Variants in GHITM observed in about 807,000 individuals in gnomAD.
GHITM encodes the protein growth hormone inducible transmembrane protein.
A neutral mutation model predicts 38.7 loss-of-function variants in GHITM; 24 were observed. The ratio of observed to expected loss-of-function variants is 0.62; its 90% CI spans 0.45 to 0.87. GHITM has a LOEUF of 0.87. Ranked by LOEUF, GHITM falls within the 40% of genes least tolerant of loss-of-function variation. The pLI, the probability that GHITM is intolerant of heterozygous loss-of-function variation, is 0.00. For missense variants in GHITM, 420 were observed against 429.8 expected, an observed-to-expected ratio of 0.98 and a Z score of 0.20; for synonymous variants, 154 against 147.8, an observed-to-expected ratio of 1.04 and a Z score of -0.30.
intron 5 of GHITM, among the ~76,000 whole-genome samples, chr10:84,147,242 C>T (rs1267641245): frequency 6.6e-6 from 1 of 151,998 alleles, no homozygotes; most frequent in Non-Finnish European, 1.5e-5. Flanking sequence ...GAGTGGAGCT[C>T]GATATGCTTT....
rs751077696 is a variant in GHITM at position 84,142,651 on chromosome 10, TC to T, written c.130-3del. 4.9e-5 allele frequency: 78 copies of T among 1,602,036 alleles called. No homozygotes were observed. The highest frequency in any genetic ancestry group is 6.7e-5 in the Admixed American group (4 of 59,600). On this transcript the variant is annotated splice_region_variant and splice_polypyrimidine_tract_variant and intron_variant, in intron 2 of 8. Coordinates refer to ENST00000372134, the MANE Select transcript of GHITM (RefSeq NM_014394.3). Reference sequence around the variant, plus strand: ...GTACGTGTCTTTGTTTGCATGTGTGTCAGGAATATGCCACCAAAACAAGAAT... The same window carrying T: ...GTACGTGTCTTTGTTTGCATGTGTGTAGGAATATGCCACCAAAACAAGAAT...
intron 5 of GHITM, 78 bp from the exon 6 acceptor site, chr10:84,148,652 A>T: frequency 1.2e-6 from 1 of 822,150 alleles, no homozygotes; most frequent in Non-Finnish European, 2.1e-6. Context: ...AGAAGTAACT[A>T]ATTGTACTTC....
At chr10:84,143,849 T>A (rs1202152442) in intron 3 of GHITM, 146 bp from the exon 4 acceptor site, 1 of 601,126 alleles carries the variant, frequency 1.7e-6, no homozygotes, top group African/African-American at 1.8e-5. Flanking sequence ...ACTGGTTACC[T>A]AACATTGAGG....
At chr10:84,149,794 T>C (rs11595213) in intron 6 of GHITM, among the ~76,000 whole-genome samples, 19,471 of 152,170 alleles carry the variant, frequency 0.13, 1,345 homozygotes, top group Admixed American at 0.15. Context: ...TACATGGAAT[T>C]TGATGGTTAC....
At position 84,143,995 on chromosome 10, in the gene GHITM, T is replaced by C. The variant is rs535597107; in HGVS notation, c.230T>C (p.Ile77Thr). ...CTGCATTTCCTTCTGTGTTCTGCAG[T>C]TGATCAGATGGGAAGATGGTTTGTT... ...LEPSMEKIFK[I>T]DQMGRWFVAG... is the part of the protein sequence containing the mutation. The change falls in exon 4 of 9, where the codon ATT becomes ACT. Residue 77 changes from isoleucine (I) to threonine (T), a missense_variant and splice_region_variant. Coordinates refer to ENST00000372134, the MANE Select transcript of GHITM (RefSeq NM_014394.3). The C allele has an allele frequency of 8.5e-5, 136 of 1,605,746 alleles. No individual in the cohort carries two copies. The highest frequency in any genetic ancestry group is 1.2e-4 in the Non-Finnish European group (135 of 1,172,286).
chr10:84,145,067 G>C (rs375853271), intron 5 of GHITM, 51 bp downstream of exon 5: 5 of 1,442,256 alleles, frequency 3.5e-6, no homozygotes, highest in African/African-American at 2.8e-5. Flanking sequence ...CAAAAGATTA[G>C]ATAAAATATA....
intron 5 of GHITM, among the ~76,000 whole-genome samples, chr10:84,147,475 G>T (rs1261154718): frequency 6.6e-6 from 1 of 152,112 alleles, no homozygotes; most frequent in Non-Finnish European, 1.5e-5. Flanking sequence ...TATATTAGAG[G>T]TTGAATATTT....
chr10:84,144,486 T>C (rs905365098), intron 4 of GHITM, among the ~76,000 whole-genome samples: 7 of 152,188 alleles, frequency 4.6e-5, no homozygotes, highest in Non-Finnish European at 8.8e-5. Context: ...CTCCTGTAGG[T>C]GGGATTACAG....
chr10:84,150,632 T>A (rs1841602113), intron 7 of GHITM, 77 bp from the exon 8 acceptor site: 2 of 1,145,256 alleles, frequency 1.7e-6, no homozygotes, highest in Admixed American at 2.5e-5. Flanking sequence ...GATTTTTTTT[T>A]AAGTAATATA....
intron 8 of GHITM, among the ~76,000 whole-genome samples, chr10:84,151,796 T>C (rs578026868): frequency 6.6e-6 from 1 of 152,314 alleles, no homozygotes; most frequent in South Asian, 2.1e-4. Flanking sequence ...TGATTTTATC[T>C]AAAAATAAAA....
chr10:84,140,861 G>A (rs1389332699), intron 1 of GHITM, among the ~76,000 whole-genome samples: 2 of 152,122 alleles, frequency 1.3e-5, no homozygotes, highest in Admixed American at 6.5e-5. Flanking sequence ...TGTCCTTTAC[G>A]CATTATAGTA....
rs1274908183 is a variant in GHITM, at chr10:84,150,872, C to T, written c.945C>T (p.Pro315=). The change falls in exon 8 of 9, where the codon CCC becomes CCT. Residue 315 remains proline (P), a synonymous_variant. Coordinates refer to ENST00000372134, the MANE Select transcript of GHITM (RefSeq NM_014394.3). ...SPMYGVQKYD[P]INSMLSIYMD... ...TGTATGGAGTTCAAAAATATGATCC[C>T]ATTAACTCGTAAGTAATGCTTTTTA... The T allele has an allele frequency of 6.3e-7, 1 of 1,595,836 alleles. No homozygotes were observed. Among genetic ancestry groups the T allele is most frequent in the Non-Finnish European group, 8.6e-7 (1 of 1,164,656 alleles).
In GHITM at chr10:84,145,669, A is replaced by G. The variant is rs115637023; in HGVS notation, c.483+653A>G. Among the ~76,000 whole-genome samples, 1,476 of 152,344 alleles carry G rather than the reference A, an allele frequency of 9.7e-3. 26 individuals carry two copies. Among genetic ancestry groups the G allele is most frequent in the African/African-American group, 0.034 (1,397 of 41,572 alleles). On this transcript the variant is annotated intron_variant, in intron 5 of 8. Transcript: ENST00000372134. ...GACCTTATAGAAGATTTTATATTTAATCGGTTTCTCTGGAGCCCTTGTTAT... is the reference window on the plus strand; with the variant it reads ...GACCTTATAGAAGATTTTATATTTAGTCGGTTTCTCTGGAGCCCTTGTTAT...
intron 6 of GHITM, 78 bp downstream of exon 6, chr10:84,148,916 C>T: frequency 1.2e-6 from 1 of 806,794 alleles, no homozygotes; most frequent in Non-Finnish European, 2.2e-6. Flanking sequence ...TTGTAAATGA[C>T]CTACATGGAA....
intron 2 of GHITM, among the ~76,000 whole-genome samples, chr10:84,142,306 G>A (rs1411932172): frequency 6.6e-6 from 1 of 152,164 alleles, no homozygotes; most frequent in Non-Finnish European, 1.5e-5. Flanking sequence ...TCTTAAAAAT[G>A]CTAACAGATT....
At chr10:84,145,208 G>T (rs538825989) in intron 5 of GHITM, among the ~76,000 whole-genome samples, 192 bp downstream of exon 5, 1 of 152,178 alleles carries the variant, frequency 6.6e-6, no homozygotes, top group Non-Finnish European at 1.5e-5. Flanking sequence ...AACATTTGTA[G>T]TGTCAACATG....
At chr10:84,149,256 G>C (rs574495349) in intron 6 of GHITM, among the ~76,000 whole-genome samples, 4 of 152,286 alleles carry the variant, frequency 2.6e-5, no homozygotes, top group African/African-American at 9.6e-5. Context: ...GAAGTGTTCT[G>C]TGTAGAAATT....
At chr10:84,150,560 G>A (rs1841601185) in intron 7 of GHITM, 149 bp from the exon 8 acceptor site, 1 of 620,652 alleles carries the variant, frequency 1.6e-6, no homozygotes, top group African/African-American at 1.8e-5. Context: ...TTGAACTAAT[G>A]CAAATAAGAT....
Position 84,144,984 on chromosome 10 carries a change from C to A in GHITM, c.451C>A (p.Leu151Ile). ...SAIAISRTPV[L>I]MNFMMRGSWV... ...CATAGCAATCAGCAGAACGCCTGTTCTCATGAACTTCATGATGAGAGGCTC... is the reference window on the plus strand; with the variant it reads ...CATAGCAATCAGCAGAACGCCTGTTATCATGAACTTCATGATGAGAGGCTC... The change falls in exon 5 of 9, where the codon CTC becomes ATC. Residue 151 changes from leucine (L) to isoleucine (I), a missense_variant. Coordinates refer to ENST00000372134, the MANE Select transcript of GHITM (RefSeq NM_014394.3). The A allele has an allele frequency of 6.2e-7, 1 of 1,611,704 alleles. No individual in the cohort carries two copies. Among genetic ancestry groups the A allele is most frequent in the Non-Finnish European group, 8.5e-7 (1 of 1,178,456 alleles).
Sources: gnomAD v4.1 joint callset for allele counts (sites outside exome capture counted in the v4.1 genomes callset) on GRCh38, gnomAD v4.1.1 for gene constraint, MANE v1.5 for transcripts, NCBI Gene and HGNC (gene_info 2026-07-23, HGNC 2026-07-21) for gene names.